PLEKHH3: variants seen among roughly 807,000 people sequenced by gnomAD.
The protein encoded by PLEKHH3 is pleckstrin homology, MyTH4 and FERM domain containing H3, also known as pleckstrin homology domain-containing family H member 3.
A neutral mutation model predicts 77.8 loss-of-function variants in PLEKHH3; 57 were observed. That is an observed-to-expected ratio of 0.73 (90% CI 0.59 to 0.91). The LOEUF (loss-of-function observed/expected upper bound fraction) is 0.91. Among genes scored for constraint, PLEKHH3 ranks in the 40% least tolerant of loss-of-function variants. The pLI is 0.00. For missense variants in PLEKHH3, 1,082 were observed against 1,091.2 expected (o/e 0.99, Z 0.12); for synonymous variants, 467 against 504.8 (o/e 0.93, Z 1.00).
intron 1 of PLEKHH3, among the ~76,000 whole-genome samples, chr17:42,675,158 G>C (rs952711615): frequency 1.3e-5 from 2 of 152,036 alleles, no homozygotes; most frequent in East Asian, 3.9e-4. Context: ...ACTGGGGTCT[G>C]AGAGAGGCCA....
chr17:42,668,001 T>G lies in PLEKHH3; in HGVS notation c.*126A>C, dbSNP rs992812537. The G allele has an allele frequency of 5.0e-5, 35 of 694,834 alleles. No individual in the cohort carries two copies. The African/African-American group carries it at 6.3e-4, about 13-fold the overall frequency. 43.0% of individuals were successfully genotyped at this position (694,834 alleles called of 1,614,324 possible). On this transcript the variant is annotated 3_prime_UTR_variant, in exon 13 of 13. Transcript: ENST00000591022. ...AAACTAGAAAATTACCCACACCCAT[T>G]GTAGCCCTTGGGTGTGGGATGTGCC...
intron 12 of PLEKHH3, 36 bp from the exon 13 acceptor site, chr17:42,668,339 T>C: frequency 6.8e-7 from 1 of 1,468,816 alleles, no homozygotes; most frequent in Non-Finnish European, 9.0e-7. Context: ...CAACAGGGGC[T>C]GCCAGGTTCT....
At position 42,668,255 on chromosome 17, in the gene PLEKHH3, G is replaced by A. The variant is rs757195917; in HGVS notation, c.2254C>T (p.Pro752Ser). The A allele has an allele frequency of 2.6e-6, 4 of 1,558,670 alleles. No homozygotes were observed. Among genetic ancestry groups the A allele is most frequent in the Middle Eastern group, 1.7e-4 (1 of 5,872 alleles). Residue 752 changes from proline (P) to serine (S), a missense_variant, in exon 13 of 13, where the codon CCC (proline) becomes TCC (serine). Physicochemically the swap from Pro to Ser is moderately conservative, Grantham distance 74. Around this residue, in one of 3 missense-constraint regions of PLEKHH3, gnomAD observed 733 missense variants for 750.0 expected, o/e 0.98. Transcript: ENST00000591022. ...LVNAYLANPS[P>S]ERPCSSSSPP... The stretch of plus-strand genomic sequence containing the variant: ...GAAGAGCTGCTGCAGGGCCTCTCGG[G>A]GGAGGGGTTGGCCAAGTAGGCATTC...
chr17:42,673,967 G>A lies in PLEKHH3; in HGVS notation c.265C>T (p.Leu89=), dbSNP rs1274835656. The A allele has an allele frequency of 6.2e-7, 1 of 1,613,536 alleles. No individual in the cohort carries two copies. The highest frequency in any genetic ancestry group is 8.5e-7 in the Non-Finnish European group (1 of 1,179,928). ...ETWSLIPEKG[L]PEDDPDIVVK... ...ACGATGTCCGGGTCGTCCTCCGGCA[G>A]CCCTTTCTCCGGGATGAGGCTCCAA... Residue 89 remains leucine (L), a synonymous_variant, in exon 3 of 13, where the codon CTG becomes TTG. Coordinates refer to ENST00000591022, the MANE Select transcript of PLEKHH3 (RefSeq NM_024927.5).
Position 42,670,050 on chromosome 17 carries a change from TGCCGTGCCGGCGCC to T in PLEKHH3, c.1867_1880del (p.Gly623SerfsTer17). The stretch of plus-strand genomic sequence containing the variant: ...GCTTCCAGCCGCCCAGCACGGCAGC[TGCCGTGCCGGCGCC>T]GCCTCCTCCCTCGCGGGCAATGCTT... On this transcript the variant is annotated frameshift_variant, in exon 11 of 13. Transcript: ENST00000591022. LOFTEE classifies it high-confidence loss of function. 1 of 1,498,796 alleles carries T rather than the reference TGCCGTGCCGGCGCC, an allele frequency of 6.7e-7. No individual in the cohort carries two copies. Among genetic ancestry groups the T allele is most frequent in the Non-Finnish European group, 8.8e-7 (1 of 1,134,102 alleles). 92.8% of individuals were successfully genotyped at this position (1,498,796 alleles called of 1,614,324 possible).
Position 42,670,304 on chromosome 17 carries a change from G to T in PLEKHH3, c.1627C>A (p.Leu543Met). Residue 543 changes from leucine (L) to methionine (M), a missense_variant, in exon 11 of 13, where the codon CTG (leucine) becomes ATG (methionine). Physicochemically the swap from Leu to Met is conservative, Grantham distance 15. Around this residue, in one of 3 missense-constraint regions of PLEKHH3, gnomAD observed 733 missense variants for 750.0 expected, o/e 0.98. Transcript: ENST00000591022. The part of the protein sequence containing the change: ...DTLRALAALR[L>M]QSLQRDFSPR... ...GAGAAGTCCCGCTGCAGGCTCTGCAGGCGCAGCGCCGCCAGGGCGCGCAGC... is the reference window on the plus strand; with the variant it reads ...GAGAAGTCCCGCTGCAGGCTCTGCATGCGCAGCGCCGCCAGGGCGCGCAGC... 9 of 1,376,840 alleles carry T rather than the reference G, an allele frequency of 6.5e-6. No homozygotes were observed. The highest frequency in any genetic ancestry group is 8.4e-6 in the Non-Finnish European group (9 of 1,072,182). The allele number at this position is 1,376,840 out of a possible 1,614,324, so 85.3% of individuals were successfully genotyped here. A position where few individuals can be genotyped will look rare whatever the true frequency, so the allele number is the denominator to read the frequency against.
In PLEKHH3 at chr17:42,669,894, CCCCTTCT is replaced by C. The variant is rs777522260; in HGVS notation, c.2013+17_2013+23del. The C allele has an allele frequency of 1.7e-5, 27 of 1,612,366 alleles. No individual in the cohort carries two copies. The highest frequency in any genetic ancestry group is 1.1e-4 in the African/African-American group (8 of 74,858). ...GGTGTGGGGCTTGGGCCGCCAGAGT[CCCCTTCT>C]CCCTTCTCCCCCTCACCGTGCTCAG... On this transcript the variant is annotated intron_variant, in intron 11 of 12. Transcript: ENST00000591022.
At position 42,671,541 on chromosome 17, in the gene PLEKHH3, G is replaced by C. The variant is rs756969951; in HGVS notation, c.1094C>G (p.Pro365Arg). 2 of 1,610,856 alleles carry C rather than the reference G, an allele frequency of 1.2e-6. No homozygotes were observed. The highest frequency in any genetic ancestry group is 1.7e-6 in the Non-Finnish European group (2 of 1,178,996). ...GHLERTEQAL[P>R]DSELAEYARF... ...CGCATATTCCGCCAGTTCCGAGTCC[G>C]GGAGTGCCTGCTCGGTCCTGGGTTA... Residue 365 changes from proline to arginine, a missense_variant, in exon 8 of 13, where the codon CCG (proline) becomes CGG (arginine). This residue lies in a region of PLEKHH3 where 733 missense variants were observed against 750.0 expected (regional missense o/e 0.98). Transcript: ENST00000591022. This position sits in a 1 kb window ranked among gnomAD's most constrained non-coding sequence, Gnocchi z 4.7.
intron 9 of PLEKHH3, 102 bp from the exon 10 acceptor site, chr17:42,670,807 G>T: frequency 6.6e-7 from 1 of 1,521,632 alleles, no homozygotes. Flanking sequence ...CGGGGCCTGG[G>T]CGGAGCCGAC....
intron 2 of PLEKHH3, 40 bp from the exon 3 acceptor site, chr17:42,674,053 C>A (rs1327960452): frequency 6.3e-7 from 1 of 1,596,542 alleles, no homozygotes; most frequent in Non-Finnish European, 8.6e-7. Context: ...TCCACTCTGC[C>A]TCTAGGGGGC....
rs1804417603 is a variant in PLEKHH3, at chr17:42,671,192, A to T, written c.1285-62T>A. 1 of 1,530,680 alleles carries T rather than the reference A, an allele frequency of 6.5e-7. No homozygotes were observed. The highest frequency in any genetic ancestry group is 2.0e-5 in the Admixed American group (1 of 49,074). The allele number at this position is 1,530,680 out of a possible 1,614,324, so 94.8% of individuals were successfully genotyped here. A position where few individuals can be genotyped will look rare whatever the true frequency, so the allele number is the denominator to read the frequency against. On this transcript the variant is annotated intron_variant, in intron 8 of 12. Coordinates refer to ENST00000591022, the MANE Select transcript of PLEKHH3 (RefSeq NM_024927.5). This position sits in a 1 kb window ranked among gnomAD's most constrained non-coding sequence, Gnocchi z 4.7. The stretch of plus-strand genomic sequence containing the variant: ...CTTGCCAGGATTCTGGGAGGGGTTG[A>T]TTCAATTGGAAGGGGTCTCTTAGTC...
rs770129362 is a variant in PLEKHH3 at position 42,669,469 on chromosome 17, C to A, written c.2166G>T (p.Leu722Phe). Residue 722 changes from leucine (L) to phenylalanine (F), a missense_variant, in exon 12 of 13, where the codon TTG becomes TTT. Around this residue, in one of 3 missense-constraint regions of PLEKHH3, gnomAD observed 733 missense variants for 750.0 expected, o/e 0.98. Transcript: ENST00000591022. ...GGAGGAGCTGGCTCTCTCCCACCCT[C>A]AAGGCCAGGGTGTGGGGGCCCATTA... is the stretch of plus-strand genomic sequence containing the variant. ...CQLMGPHTLALRVGESQLLLQ... is the reference protein window; with the variant it reads ...CQLMGPHTLAFRVGESQLLLQ... 12 of 1,582,486 alleles carry A rather than the reference C, an allele frequency of 7.6e-6. No homozygotes were observed. The African/African-American group carries it at 9.4e-5, about 12-fold the overall frequency.
chr17:42,670,281 G>C lies in PLEKHH3; in HGVS notation c.1650C>G (p.Phe550Leu). The C allele has an allele frequency of 9.2e-6, 12 of 1,311,156 alleles. No individual in the cohort carries two copies. Among genetic ancestry groups the C allele is most frequent in the Non-Finnish European group, 1.2e-5 (12 of 1,034,298 alleles). 81.2% of individuals were successfully genotyped at this position (1,311,156 alleles called of 1,614,324 possible). A position where few individuals can be genotyped will look rare whatever the true frequency, so the allele number is the denominator to read the frequency against. The change falls in exon 11 of 13, where the codon TTC becomes TTG. Residue 550 changes from phenylalanine (F) to leucine (L), a missense_variant. Transcript: ENST00000591022. Reference sequence around the variant, plus strand: ...GGCGGGGCAGGGGCACCCGCGGAGAGAAGTCCCGCTGCAGGCTCTGCAGGC... The same window carrying C: ...GGCGGGGCAGGGGCACCCGCGGAGACAAGTCCCGCTGCAGGCTCTGCAGGC... ...ALRLQSLQRD[F>L]SPRVPLPRLD...
chr17:42,670,098 G>C lies in PLEKHH3; in HGVS notation c.1833C>G (p.Arg611=). 7.4e-7 allele frequency: 1 copy of C among 1,352,532 alleles called. No individual in the cohort carries two copies. The highest frequency in any genetic ancestry group is 9.4e-7 in the Non-Finnish European group (1 of 1,060,966). 83.8% of individuals were successfully genotyped at this position (1,352,532 alleles called of 1,614,324 possible). The change falls in exon 11 of 13, where the codon CGC becomes CGG. Residue 611 remains arginine, a synonymous_variant. Coordinates refer to ENST00000591022, the MANE Select transcript of PLEKHH3 (RefSeq NM_024927.5). The part of the protein sequence containing the change: ...AERARRGGAG[R]TAGSIAREGG... ...CCTCGCGGGCAATGCTTCCCGCAGT[G>C]CGGCCGGCCCCGCCGCGCCGGGCCC... is the stretch of plus-strand genomic sequence containing the variant.
rs888705258 is a variant in PLEKHH3, at chr17:42,671,621, C to T, written c.1077-63G>A. 12 of 1,477,686 alleles carry T rather than the reference C, an allele frequency of 8.1e-6. No homozygotes were observed. The highest frequency in any genetic ancestry group is 5.5e-6 in the Non-Finnish European group (6 of 1,093,100). 91.5% of individuals were successfully genotyped at this position (1,477,686 alleles called of 1,614,324 possible). Reference sequence around the variant, plus strand: ...GCTTTCTTCTCCCCCTCCCTCTTGCCTGCTTCTCTTATAGTTTATTTTATC... The same window carrying T: ...GCTTTCTTCTCCCCCTCCCTCTTGCTTGCTTCTCTTATAGTTTATTTTATC... On this transcript the variant is annotated intron_variant, in intron 7 of 12. Transcript: ENST00000591022. The surrounding 1 kb of genome is among the most constrained non-coding windows in gnomAD (Gnocchi z 4.7).
rs775050583 is a variant in PLEKHH3, at chr17:42,670,054, G to A, written c.1877C>T (p.Thr626Met). 10 of 1,494,878 alleles carry A rather than the reference G, an allele frequency of 6.7e-6. No homozygotes were observed. In the South Asian group the frequency reaches 8.9e-5, roughly 13 times the overall value. 92.6% of individuals were successfully genotyped at this position (1,494,878 alleles called of 1,614,324 possible). A position where few individuals can be genotyped will look rare whatever the true frequency, so the allele number is the denominator to read the frequency against. Reference protein sequence around the residue: ...IAREGGGGAGTAAAVLGGWKR... With the variant: ...IAREGGGGAGMAAAVLGGWKR... ...CCAGCCGCCCAGCACGGCAGCTGCC[G>A]TGCCGGCGCCGCCTCCTCCCTCGCG... Residue 626 changes from threonine to methionine, a missense_variant, in exon 11 of 13, where the codon ACG (threonine) becomes ATG (methionine). By Grantham distance (81) the Thr-to-Met change is moderately conservative. This residue lies in a region of PLEKHH3 where 733 missense variants were observed against 750.0 expected (regional missense o/e 0.98). Coordinates refer to ENST00000591022, the MANE Select transcript of PLEKHH3 (RefSeq NM_024927.5).
rs1431007698 is a variant in PLEKHH3, at chr17:42,671,309, G to A, written c.1284+42C>T. 1 of 1,595,784 alleles carries A rather than the reference G, an allele frequency of 6.3e-7. No homozygotes were observed. The highest frequency in any genetic ancestry group is 1.7e-5 in the Admixed American group (1 of 58,652). ...AGGGAGAGACAGGCGTGAGAAGCTG[G>A]CAGGGTGGGTTGGAGGTCATGGGGC... On this transcript the variant is annotated intron_variant, in intron 8 of 12. Coordinates refer to ENST00000591022, the MANE Select transcript of PLEKHH3 (RefSeq NM_024927.5). The surrounding 1 kb of genome is among the most constrained non-coding windows in gnomAD (Gnocchi z 4.7).
chr17:42,671,074 C>G lies in PLEKHH3; in HGVS notation c.1341G>C (p.Ala447=). 1 of 1,607,204 alleles carries G rather than the reference C, an allele frequency of 6.2e-7. No homozygotes were observed. Among genetic ancestry groups the G allele is most frequent in the Non-Finnish European group, 8.5e-7 (1 of 1,176,518 alleles). ...CCTGGGCCCCTCGCTGCTCGTACAG[C>G]GCGAATGCGTTGCGGCTCCGGGCCA... The part of the protein sequence containing the change: ...LGLARSRNAF[A]LYEQRGAQER... The change falls in exon 9 of 13, where the codon GCG becomes GCC. Residue 447 remains alanine, a synonymous_variant. Transcript: ENST00000591022. This position sits in a 1 kb window ranked among gnomAD's most constrained non-coding sequence, Gnocchi z 4.7.
Position 42,671,366 on chromosome 17 carries a change from G to T in PLEKHH3, c.1269C>A (p.His423Gln), listed in dbSNP as rs991319411. The change falls in exon 8 of 13, where the codon CAC (histidine) becomes CAA (glutamine). Residue 423 changes from histidine to glutamine, a missense_variant. His to Gln is a conservative substitution (Grantham distance 24, BLOSUM62 0). Transcript: ENST00000591022. The surrounding 1 kb of genome is among the most constrained non-coding windows in gnomAD (Gnocchi z 4.7). ...CTGGCCTCACCTCCCCCGCCGTGGT[G>T]TGGGAGTCGATGGCCACAGCACAGG... is the stretch of plus-strand genomic sequence containing the variant. ...AGACAVAIDS[H>Q]TTAGEVAREL... 3.1e-6 allele frequency: 5 copies of T among 1,612,838 alleles called. No homozygotes were observed. The highest frequency in any genetic ancestry group is 2.5e-6 in the Non-Finnish European group (3 of 1,179,940).
Sources: gnomAD v4.1 joint callset for allele counts (sites outside exome capture counted in the v4.1 genomes callset) on GRCh38, gnomAD v4.1.1 for gene constraint, gnomAD v4.1.1 regional missense constraint, Gnocchi (gnomAD v3.1) non-coding constraint, MANE v1.5 for transcripts, NCBI Gene and HGNC (gene_info 2026-07-23, HGNC 2026-07-21) for gene names.